The following CADPS variants were observed in gnomAD, a reference collection of about 807,000 sequenced individuals.
The protein encoded by CADPS is calcium dependent secretion activator, also known as calcium-dependent secretion activator 1.
Under a neutral mutation model 167.3 loss-of-function variants are expected in CADPS, and 57 were observed. That is an observed-to-expected ratio of 0.34 (90% CI 0.28 to 0.42). The LOEUF (loss-of-function observed/expected upper bound fraction) is 0.42. Among genes scored for constraint, CADPS ranks in the 20% least tolerant of loss-of-function variants. The pLI, the probability that CADPS is intolerant of heterozygous loss-of-function variation, is 1.00. For missense variants in CADPS, 1,414 were observed against 1,738.1 expected (o/e 0.81, Z 3.32); for synonymous variants, 676 against 635.3 (o/e 1.06, Z -0.96).
At chr3:62,570,017 A>G (rs2080997072) in intron 9 of CADPS, among the ~76,000 whole-genome samples, 1 of 152,228 alleles carries the variant, frequency 6.6e-6, no homozygotes, top group African/African-American at 2.4e-5. Context: ...TAATGTATTA[A>G]CATCAATATC....
At chr3:62,632,629 G>T (rs1160283247) in intron 6 of CADPS, among the ~76,000 whole-genome samples, 4 of 152,184 alleles carry the variant, frequency 2.6e-5, no homozygotes, top group Non-Finnish European at 5.9e-5. Flanking sequence ...TGCTCAGTGG[G>T]ACTGGACTCA....
chr3:62,483,428 G>C (rs969234067), intron 21 of CADPS, among the ~76,000 whole-genome samples: 30 of 152,098 alleles, frequency 2.0e-4, no homozygotes, highest in Middle Eastern at 3.4e-3. Flanking sequence ...GGACCTTGAA[G>C]ATCACCTGGA....
At chr3:62,614,149 G>A (rs1035907065) in intron 6 of CADPS, among the ~76,000 whole-genome samples, 6 of 152,070 alleles carry the variant, frequency 3.9e-5, no homozygotes, top group Non-Finnish European at 8.8e-5. Flanking sequence ...CTTACTATGG[G>A]CCAGGCAATG....
chr3:62,413,846 G>A (rs1191232900), intron 28 of CADPS, among the ~76,000 whole-genome samples: 2 of 151,764 alleles, frequency 1.3e-5, no homozygotes, highest in Admixed American at 6.6e-5. Context: ...GAACAGATAT[G>A]TAGCAATGTA....
chr3:62,671,606 A>G (rs560199195), intron 3 of CADPS, among the ~76,000 whole-genome samples: 1 of 152,222 alleles, frequency 6.6e-6, no homozygotes, highest in Admixed American at 6.5e-5. Context: ...CCGATTTCAT[A>G]TTCATCCTCT....
intron 3 of CADPS, among the ~76,000 whole-genome samples, chr3:62,663,182 G>A (rs981590304): frequency 7.9e-5 from 12 of 152,140 alleles, no homozygotes; most frequent in African/African-American, 2.9e-4. Flanking sequence ...AGGGCCATAA[G>A]ATCTCTGTTG....
chr3:62,762,907 G>A (rs777702931), intron 2 of CADPS, among the ~76,000 whole-genome samples: 5 of 152,160 alleles, frequency 3.3e-5, no homozygotes, highest in African/African-American at 4.8e-5. Flanking sequence ...ATTTTTTAAC[G>A]TTATTGCTGT....
chr3:62,670,762 G>A (rs184241979), intron 3 of CADPS, among the ~76,000 whole-genome samples: 12 of 151,378 alleles, frequency 7.9e-5, no homozygotes, highest in Admixed American at 3.3e-4. Flanking sequence ...CATCTTCCCC[G>A]CAGTCCTGAA....
intron 6 of CADPS, among the ~76,000 whole-genome samples, chr3:62,630,117 C>G (rs1363504177): frequency 6.6e-6 from 1 of 152,136 alleles, no homozygotes; most frequent in Non-Finnish European, 1.5e-5. Flanking sequence ...CTGTGTCTGT[C>G]TTGCTAATTG....
chr3:62,541,018 T>C (rs2075597036), intron 11 of CADPS, among the ~76,000 whole-genome samples: 1 of 152,082 alleles, frequency 6.6e-6, no homozygotes, highest in Non-Finnish European at 1.5e-5. Context: ...AGAATGAAAA[T>C]GAATTTGAAC....
chr3:62,622,446 A>C (rs9832674), intron 6 of CADPS, among the ~76,000 whole-genome samples: 26,379 of 152,046 alleles, frequency 0.17, 2,435 homozygotes, highest in African/African-American at 0.22. Flanking sequence ...ATATGCATAC[A>C]CACATCTGAT....
At chr3:62,852,634 C>T (rs915229047) in intron 1 of CADPS, among the ~76,000 whole-genome samples, 1 of 152,060 alleles carries the variant, frequency 6.6e-6, no homozygotes, top group Non-Finnish European at 1.5e-5. Flanking sequence ...CAGGTGGTCC[C>T]CAGTTTACTC....
chr3:62,688,490 T>A (rs567062326), intron 3 of CADPS, among the ~76,000 whole-genome samples: 16 of 152,168 alleles, frequency 1.1e-4, no homozygotes, highest in Admixed American at 9.8e-4. Flanking sequence ...TTAAGGTGCC[T>A]ACTATGTGCC....
chr3:62,845,098 A>G (rs549249), intron 1 of CADPS, among the ~76,000 whole-genome samples: 66,338 of 151,958 alleles, frequency 0.44, 14,669 homozygotes, highest in East Asian at 0.56. Context: ...TGTGGGTAGA[A>G]TAAGTTCTAA....
At chr3:62,600,643 G>A (rs1266998756) in intron 6 of CADPS, among the ~76,000 whole-genome samples, 1 of 152,154 alleles carries the variant, frequency 6.6e-6, no homozygotes, top group Non-Finnish European at 1.5e-5. Context: ...AATGTCTACT[G>A]TGTGCAAATC....
At chr3:62,416,029 C>T (rs1320376861) in intron 28 of CADPS, among the ~76,000 whole-genome samples, 2 of 152,046 alleles carry the variant, frequency 1.3e-5, no homozygotes, top group African/African-American at 4.8e-5. Flanking sequence ...GAATATTTTT[C>T]TCAGTGCTTC....
chr3:62,714,207 T>C (rs1292458114), intron 3 of CADPS, among the ~76,000 whole-genome samples: 2 of 152,130 alleles, frequency 1.3e-5, no homozygotes, highest in Non-Finnish European at 2.9e-5. Context: ...AAGCAAAACA[T>C]GTTGGTAGTT....
intron 26 of CADPS, among the ~76,000 whole-genome samples, chr3:62,459,565 T>C (rs2059089612): frequency 6.6e-6 from 1 of 152,206 alleles, no homozygotes; most frequent in Non-Finnish European, 1.5e-5. Context: ...AGCAAAACTC[T>C]ACTTATTTTT....
intron 28 of CADPS, among the ~76,000 whole-genome samples, chr3:62,408,026 C>A (rs1384790470): frequency 6.6e-6 from 1 of 152,144 alleles, no homozygotes; most frequent in Non-Finnish European, 1.5e-5. Context: ...TGAGCCACTG[C>A]CCCTGGCCCA....
Sources: gnomAD v4.1 joint callset for allele counts (sites outside exome capture counted in the v4.1 genomes callset) on GRCh38, gnomAD v4.1.1 for gene constraint, MANE v1.5 for transcripts, NCBI Gene and HGNC (gene_info 2026-07-23, HGNC 2026-07-21) for gene names.